ITGA11: variants seen among roughly 807,000 people sequenced by gnomAD.
ITGA11 encodes integrin alpha-11.
A neutral mutation model predicts 141.9 loss-of-function variants in ITGA11; 97 were observed. The ratio of observed to expected loss-of-function variants is 0.68; its 90% confidence interval spans 0.58 to 0.81. ITGA11 has a LOEUF of 0.81. Ranked by LOEUF, ITGA11 falls within the 30% of genes least tolerant of loss-of-function variation. The probability of loss-of-function intolerance (pLI) is 0.00; values close to 1 mark genes in which losing one functional copy is unlikely to be tolerated. For synonymous variants in ITGA11, 658 were observed against 624.6 expected, an observed-to-expected ratio of 1.05 and a Z score of -0.80; for missense variants, 1,387 against 1,559.2, an observed-to-expected ratio of 0.89 and a Z score of 1.86.
In ITGA11 at chr15:68,315,570, G is replaced by A. The variant is rs868637020; in HGVS notation, c.2792+81C>T. On this transcript the variant is annotated intron_variant, in intron 22 of 29. Coordinates refer to ENST00000315757, the MANE Select transcript of ITGA11 (RefSeq NM_001004439.2). ...GGCGTGGGGCAGCGGACTCAGTGTC[G>A]GGAGGAGCAGTTGCTAGCAGCCAGA... 6.4e-5 allele frequency: 75 copies of A among 1,173,522 alleles called. No homozygotes were observed. In the Middle Eastern group the frequency reaches 3.8e-3, roughly 60 times the overall value. The allele number at this position is 1,173,522 out of a possible 1,614,324, so 72.7% of individuals were successfully genotyped here.
intron 11 of ITGA11, among the ~76,000 whole-genome samples, chr15:68,336,610 C>T (rs915850833): frequency 1.3e-5 from 2 of 152,208 alleles, no homozygotes; most frequent in African/African-American, 4.8e-5. Context: ...TCAGGCAACT[C>T]TCCTGAAAGT....
intron 2 of ITGA11, among the ~76,000 whole-genome samples, chr15:68,388,230 T>C (rs944992080): frequency 6.6e-5 from 10 of 152,162 alleles, no homozygotes; most frequent in African/African-American, 2.4e-4. Flanking sequence ...CCTAGCTCAC[T>C]CTACTCCAGC....
intron 21 of ITGA11, 33 bp downstream of exon 21, chr15:68,317,232 C>G (rs377241828): frequency 1.5e-4 from 218 of 1,495,312 alleles, no homozygotes; most frequent in Non-Finnish European, 1.9e-4. Flanking sequence ...AGTGCCCACC[C>G]TGACCCTCCC....
At chr15:68,339,750 C>A in intron 10 of ITGA11, 106 bp from the exon 11 acceptor site, 1 of 1,328,378 alleles carries the variant, frequency 7.5e-7, no homozygotes, top group South Asian at 1.3e-5. Context: ...CCACCTCGGG[C>A]ACCTTCTCCT....
rs1374619004 is a variant in ITGA11, at chr15:68,303,327, A to G, written c.3496-197T>C. 6.6e-6 allele frequency among the ~76,000 whole-genome samples: 1 copy of G among 152,122 alleles called. No homozygotes were observed. The highest frequency in any genetic ancestry group is 6.5e-5 in the Admixed American group (1 of 15,284). The stretch of plus-strand genomic sequence containing the variant: ...GTGGATGAGACCATGGGCTGCATGC[A>G]AGAAGTCATACTAGTGCCCATCTTG... On this transcript the variant is annotated intron_variant, in intron 29 of 29. Transcript: ENST00000315757. This position sits in a 1 kb window ranked among gnomAD's most constrained non-coding sequence, Gnocchi z 5.3.
chr15:68,343,563 T>C (rs1190343078), intron 10 of ITGA11, among the ~76,000 whole-genome samples: 1 of 152,154 alleles, frequency 6.6e-6, no homozygotes, highest in Non-Finnish European at 1.5e-5. Flanking sequence ...CTTCTAGCTC[T>C]TTTTGGCTTT....
intron 1 of ITGA11, among the ~76,000 whole-genome samples, chr15:68,407,045 A>G (rs938324397): frequency 6.6e-5 from 10 of 152,116 alleles, no homozygotes; most frequent in African/African-American, 2.4e-4. Flanking sequence ...AGTTTTTCAT[A>G]AGAAGGACTC....
At chr15:68,367,656 C>G (rs1449626046) in intron 3 of ITGA11, among the ~76,000 whole-genome samples, 1 of 152,192 alleles carries the variant, frequency 6.6e-6, no homozygotes, top group African/African-American at 2.4e-5. Flanking sequence ...CCTTCCTTGG[C>G]CTCTTGTTCC....
chr15:68,336,767 G>A (rs373056582), intron 11 of ITGA11, among the ~76,000 whole-genome samples: 4 of 152,328 alleles, frequency 2.6e-5, no homozygotes, highest in East Asian at 3.9e-4. Flanking sequence ...TGCAATGCAC[G>A]TGTGTGAGTG....
At chr15:68,385,841 T>C (rs751027686) in intron 2 of ITGA11, among the ~76,000 whole-genome samples, 4 of 152,236 alleles carry the variant, frequency 2.6e-5, no homozygotes, top group Middle Eastern at 3.4e-3. Flanking sequence ...AGTGCCCCCA[T>C]CTGTAAAATC....
rs1336749061 is a variant in ITGA11, at chr15:68,328,848, G to GT, written c.1902-587dup. 1.3e-5 allele frequency among the ~76,000 whole-genome samples: 2 copies of GT among 152,136 alleles called. No homozygotes were observed. Among genetic ancestry groups the GT allele is most frequent in the African/African-American group, 4.8e-5 (2 of 41,408 alleles). ...TGGACCACACTTCGAAGAGCGAGGC[G>GT]TTAAAGCACCCCAGGTGATTCCAAC... On this transcript the variant is annotated intron_variant, in intron 15 of 29. Transcript: ENST00000315757. The surrounding 1 kb of genome is among the most constrained non-coding windows in gnomAD (Gnocchi z 4.8).
At chr15:68,420,196 C>A (rs190598685) in intron 1 of ITGA11, among the ~76,000 whole-genome samples, 33 of 152,276 alleles carry the variant, frequency 2.2e-4, no homozygotes, top group Admixed American at 9.8e-4. Context: ...TGAATCACTA[C>A]CCTTTTGTGG....
rs557374053 is a variant in ITGA11 at position 68,324,268 on chromosome 15, T to C, written c.2322+863A>G. ...GGTTTTCAGGGGCATTGCTGTGGAC[T>C]GTACGGTCCTTTCCTGGTGTTGAAG... On this transcript the variant is annotated intron_variant, in intron 18 of 29. Transcript: ENST00000315757. The surrounding 1 kb of genome is among the most constrained non-coding windows in gnomAD (Gnocchi z 6.3). 6.6e-6 allele frequency among the ~76,000 whole-genome samples: 1 copy of C among 152,090 alleles called. No homozygotes were observed. Among genetic ancestry groups the C allele is most frequent in the Non-Finnish European group, 1.5e-5 (1 of 68,020 alleles).
Position 68,325,243 on chromosome 15 carries a change from T to C in ITGA11, c.2212-2A>G. On this transcript the variant is annotated splice_acceptor_variant, in intron 17 of 29. Transcript: ENST00000315757. LOFTEE classifies it high-confidence loss of function. The surrounding 1 kb of genome is among the most constrained non-coding windows in gnomAD (Gnocchi z 5.5). The stretch of plus-strand genomic sequence containing the variant: ...TGGCTTCACGTAGTCAGCAGTGTCC[T>C]GGGGGGTGGAGATGAGGGCAGCGGT... 6.2e-7 allele frequency: 1 copy of C among 1,608,690 alleles called. No homozygotes were observed. Among genetic ancestry groups the C allele is most frequent in the Non-Finnish European group, 8.5e-7 (1 of 1,175,176 alleles).
intron 26 of ITGA11, among the ~76,000 whole-genome samples, 190 bp downstream of exon 26, chr15:68,310,804 C>T (rs1003392812): frequency 2.0e-5 from 3 of 152,216 alleles, no homozygotes; most frequent in African/African-American, 7.2e-5. Flanking sequence ...CCCTGTGAGA[C>T]GGGGGACTCA....
intron 2 of ITGA11, among the ~76,000 whole-genome samples, chr15:68,374,270 T>C (rs903651432): frequency 6.6e-6 from 1 of 152,230 alleles, no homozygotes; most frequent in African/African-American, 2.4e-5. Flanking sequence ...TGGCCTAGCC[T>C]TGTGGCAACA....
intron 16 of ITGA11, among the ~76,000 whole-genome samples, chr15:68,327,204 G>A (rs913970135): frequency 5.3e-5 from 8 of 152,062 alleles, no homozygotes; most frequent in African/African-American, 1.9e-4. Context: ...GCCTTTGCTG[G>A]GTACTTCCTC....
chr15:68,347,857 C>T (rs559598536), intron 10 of ITGA11, among the ~76,000 whole-genome samples: 3 of 152,134 alleles, frequency 2.0e-5, no homozygotes, highest in Admixed American at 1.3e-4. Flanking sequence ...CACTAATGGG[C>T]CTTCTCTGGT....
At chr15:68,405,766 C>G (rs1172301469) in intron 1 of ITGA11, among the ~76,000 whole-genome samples, 1 of 152,022 alleles carries the variant, frequency 6.6e-6, no homozygotes, top group African/African-American at 2.4e-5. Flanking sequence ...GTGCAGAGCT[C>G]GGAGCTTGGT....
Sources: gnomAD v4.1 joint callset for allele counts (sites outside exome capture counted in the v4.1 genomes callset) on GRCh38, gnomAD v4.1.1 for gene constraint, Gnocchi (gnomAD v3.1) non-coding constraint, MANE v1.5 for transcripts, NCBI Gene and HGNC (gene_info 2026-07-23, HGNC 2026-07-21) for gene names.